GOLGA6L10: variants seen among roughly 807,000 people sequenced by gnomAD.
GOLGA6L10 encodes the protein golgin subfamily A member 6-like protein 10.
GOLGA6L10 carries 4 observed loss-of-function variants against 56.9 expected under a neutral mutation model. The observed-to-expected ratio is 0.07, with a 90% CI of 0.03 to 0.16. The LOEUF is 0.16. Among genes scored for constraint, GOLGA6L10 ranks in the 10% least tolerant of loss-of-function variants. The probability of loss-of-function intolerance (pLI) is 1.00; values close to 1 mark genes in which losing one functional copy is unlikely to be tolerated. For synonymous variants in GOLGA6L10, 11 were observed against 220.9 expected, an observed-to-expected ratio of 0.05 and a Z score of 8.43; for missense variants, 34 against 558.3, an observed-to-expected ratio of 0.06 and a Z score of 9.46.
Position 82,342,665 on chromosome 15 carries a change from A to G in GOLGA6L10, c.*111T>C, listed in dbSNP as rs2075647155. 1 of 1,520,870 alleles carries G rather than the reference A, an allele frequency of 6.6e-7. No individual in the cohort carries two copies. Among genetic ancestry groups the G allele is most frequent in the South Asian group, 1.2e-5 (1 of 80,840 alleles). 94.2% of individuals were successfully genotyped at this position (1,520,870 alleles called of 1,614,324 possible). A position where few individuals can be genotyped will look rare whatever the true frequency, so the allele number is the denominator to read the frequency against. Reference sequence around the variant, plus strand: ...AAATAAATTTAAACTATAAATTAGAAACACAAATAAACATAAGTGGCTCTA... The same window carrying G: ...AAATAAATTTAAACTATAAATTAGAGACACAAATAAACATAAGTGGCTCTA... On this transcript the variant is annotated 3_prime_UTR_variant, in exon 9 of 9. Transcript: ENST00000610657.
rs1344001057 is a variant in GOLGA6L10 at position 82,340,614 on chromosome 15, T to C, written c.*2162A>G. On this transcript the variant is annotated 3_prime_UTR_variant, in exon 9 of 9. Transcript: ENST00000610657. ...TCTAAGCAAATTGAAAGCTGCCTTA[T>C]ACTGAATGAGGAAGAGAACAAATAC... 6.6e-6 allele frequency: 1 copy of C among 151,416 alleles called. No individual in the cohort carries two copies. Among genetic ancestry groups the C allele is most frequent in the Non-Finnish European group, 1.5e-5 (1 of 67,806 alleles). 9.4% of individuals were successfully genotyped at this position (151,416 alleles called of 1,614,324 possible). A position where few individuals can be genotyped will look rare whatever the true frequency, so the allele number is the denominator to read the frequency against.
In GOLGA6L10 at chr15:82,344,812, C is replaced by A; in HGVS notation, c.1048G>T (p.Glu350Ter). Residue 350 changes from glutamate (E) to a stop codon, truncating the protein, a stop_gained, in exon 6 of 9, where the codon GAG becomes TAG. Coordinates refer to ENST00000610657, the MANE Select transcript of GOLGA6L10 (RefSeq NM_001164465.3). LOFTEE classifies it high-confidence loss of function. ...AGCCTCTCCCTCTCCAGCAGCCTCT[C>A]CTGCTCCTCCTGCCGCCTCTCCTGT... Reference protein sequence around the residue: ...LEQERRQEEQERLLERERLLD... With the variant: ...LEQERRQEEQ The A allele has an allele frequency of 6.5e-7, 1 of 1,535,718 alleles. No individual in the cohort carries two copies. The highest frequency in any genetic ancestry group is 8.7e-7 in the Non-Finnish European group (1 of 1,147,598).
chr15:82,348,067 C>G (rs1286623916), intron 1 of GOLGA6L10, among the ~76,000 whole-genome samples: 89 of 151,950 alleles, frequency 5.9e-4, no homozygotes, highest in African/African-American at 2.1e-3. Flanking sequence ...GGCAGCTTTT[C>G]TATTAAATCT....
Position 82,340,429 on chromosome 15 carries a change from A to G in GOLGA6L10, c.*2347T>C, listed in dbSNP as rs1437892297. On this transcript the variant is annotated 3_prime_UTR_variant, in exon 9 of 9. Coordinates refer to ENST00000610657, the MANE Select transcript of GOLGA6L10 (RefSeq NM_001164465.3). ...ATTGTTTTTCATTTCAGGAAAACCT[A>G]TCAGGTTTAATCTATTACTTTAAAA... 2 of 151,532 alleles carry G rather than the reference A, an allele frequency of 1.3e-5. No individual in the cohort carries two copies. The highest frequency in any genetic ancestry group is 4.8e-5 in the African/African-American group (2 of 41,390). 9.4% of individuals were successfully genotyped at this position (151,532 alleles called of 1,614,324 possible). A position where few individuals can be genotyped will look rare whatever the true frequency, so the allele number is the denominator to read the frequency against.
At chr15:82,343,931 C>A (rs1174802865) in intron 7 of GOLGA6L10, among the ~76,000 whole-genome samples, 4 of 147,088 alleles carry the variant, frequency 2.7e-5, no homozygotes, top group Non-Finnish European at 6.0e-5. Flanking sequence ...GCCTCAGCCT[C>A]CCAAAGTGCT....
rs777912811 is a variant in GOLGA6L10, at chr15:82,342,729, C to G, written c.*47G>C. The G allele has an allele frequency of 6.3e-7, 1 of 1,598,264 alleles. No individual in the cohort carries two copies. Among genetic ancestry groups the G allele is most frequent in the Non-Finnish European group, 8.5e-7 (1 of 1,179,434 alleles). On this transcript the variant is annotated 3_prime_UTR_variant, in exon 9 of 9. Transcript: ENST00000610657. ...GTAAATGAATTGTGTAGGATATTAA[C>G]CCCTTAAATGTTTTGTTTTTTTTTT... is the stretch of plus-strand genomic sequence containing the variant.
chr15:82,347,878 G>T (rs1403320899), intron 1 of GOLGA6L10, among the ~76,000 whole-genome samples: 1 of 152,294 alleles, frequency 6.6e-6, no homozygotes. Flanking sequence ...CTGGGGTTTT[G>T]CCATGAATCA....
Position 82,347,958 on chromosome 15 carries a change from C to T in GOLGA6L10, c.85-329G>A, listed in dbSNP as rs1473727988. ...ACATTAAGCAGGCAGGAACTGTAGGCCGTGTGGTTTAGAGTCATACATCCT... is the reference window on the plus strand; with the variant it reads ...ACATTAAGCAGGCAGGAACTGTAGGTCGTGTGGTTTAGAGTCATACATCCT... On this transcript the variant is annotated intron_variant, in intron 1 of 8. Coordinates refer to ENST00000610657, the MANE Select transcript of GOLGA6L10 (RefSeq NM_001164465.3). Among the ~76,000 whole-genome samples, 7 of 152,356 alleles carry T rather than the reference C, an allele frequency of 4.6e-5. No individual in the cohort carries two copies. The East Asian group carries it at 1.4e-3, about 29-fold the overall frequency.
At chr15:82,347,086 C>T (rs2075691331) in intron 2 of GOLGA6L10, among the ~76,000 whole-genome samples, 200 bp from the exon 3 acceptor site, 2 of 150,630 alleles carry the variant, frequency 1.3e-5, no homozygotes, top group African/African-American at 2.5e-5. Flanking sequence ...CTTTCAGTGA[C>T]TCCTAAAGGG....
chr15:82,347,058 C>T (rs1180393817), intron 2 of GOLGA6L10, among the ~76,000 whole-genome samples, 172 bp from the exon 3 acceptor site: 3 of 150,890 alleles, frequency 2.0e-5, no homozygotes, highest in Non-Finnish European at 4.4e-5. Flanking sequence ...TATCTCCCCA[C>T]CATCCCACCC....
At position 82,345,216 on chromosome 15, in the gene GOLGA6L10, A is replaced by ATGTC; in HGVS notation, c.643_644insGACA (p.Leu215ArgfsTer4). 1.9e-6 allele frequency: 2 copies of ATGTC among 1,027,902 alleles called. No homozygotes were observed. Among genetic ancestry groups the ATGTC allele is most frequent in the South Asian group, 3.6e-5 (2 of 55,218 alleles). 63.7% of individuals were successfully genotyped at this position (1,027,902 alleles called of 1,614,324 possible). On this transcript the variant is annotated frameshift_variant, in exon 6 of 9. Transcript: ENST00000610657. LOFTEE classifies it high-confidence loss of function. ...ACACAGCCTCTCCTCCTGTTCATGTAGCCTCTCCTCCTGTTCATGTAGCCT... is the reference window on the plus strand; with the variant it reads ...ACACAGCCTCTCCTCCTGTTCATGTATGTCGCCTCTCCTCCTGTTCATGTAGCCT...
intron 5 of GOLGA6L10, 121 bp from the exon 6 acceptor site, chr15:82,345,547 C>G (rs1322232903): frequency 6.6e-7 from 1 of 1,507,504 alleles, no homozygotes; most frequent in African/African-American, 1.4e-5. Flanking sequence ...CTAATGACTC[C>G]TCACACCCGG....
chr15:82,346,070 G>A, intron 4 of GOLGA6L10, among the ~76,000 whole-genome samples, 174 bp from the exon 5 acceptor site: 2 of 150,572 alleles, frequency 1.3e-5, no homozygotes, highest in African/African-American at 2.5e-5. Flanking sequence ...TCATAGCAGA[G>A]ATATAAAACA....
rs2075638432 is a variant in GOLGA6L10, at chr15:82,340,838, C to G, written c.*1938G>C. On this transcript the variant is annotated 3_prime_UTR_variant, in exon 9 of 9. Coordinates refer to ENST00000610657, the MANE Select transcript of GOLGA6L10 (RefSeq NM_001164465.3). ...TAAATATGCCAGTATGTGATTTAAT[C>G]CACAGGTACCTGATGAACACATTAT... is the stretch of plus-strand genomic sequence containing the variant. The G allele has an allele frequency of 6.6e-6, 1 of 151,798 alleles. No homozygotes were observed. The highest frequency in any genetic ancestry group is 1.5e-5 in the Non-Finnish European group (1 of 67,938). The allele number at this position is 151,798 out of a possible 1,614,324, so 9.4% of individuals were successfully genotyped here.
intron 1 of GOLGA6L10, among the ~76,000 whole-genome samples, chr15:82,348,035 T>G (rs1309119356): frequency 2.6e-5 from 4 of 152,036 alleles, no homozygotes; most frequent in Non-Finnish European, 5.9e-5. Flanking sequence ...CACTTTCATA[T>G]CAATGTGTCC....
rs2075637503 is a variant in GOLGA6L10 at position 82,340,650 on chromosome 15, G to A, written c.*2126C>T. ...GAAGAGAACAAATACTTGGCTGAAT[G>A]AGGTACTGCAAGAGACTGCATGCAC... On this transcript the variant is annotated 3_prime_UTR_variant, in exon 9 of 9. Transcript: ENST00000610657. The A allele has an allele frequency of 6.6e-6, 1 of 151,228 alleles. No homozygotes were observed. 9.4% of individuals were successfully genotyped at this position (151,228 alleles called of 1,614,324 possible).
At chr15:82,347,089 C>T (rs2075691358) in intron 2 of GOLGA6L10, among the ~76,000 whole-genome samples, 2 of 150,506 alleles carry the variant, frequency 1.3e-5, no homozygotes, top group South Asian at 2.1e-4. Flanking sequence ...TCAGTGACTC[C>T]TAAAGGGACA....
chr15:82,343,969 C>T (rs1282396554), intron 7 of GOLGA6L10, among the ~76,000 whole-genome samples: 12 of 149,648 alleles, frequency 8.0e-5, no homozygotes, highest in South Asian at 4.1e-4. Flanking sequence ...CCACCACACC[C>T]GACATAAGGA....
chr15:82,348,227 G>A (rs1178067658), intron 1 of GOLGA6L10, among the ~76,000 whole-genome samples: 110 of 150,838 alleles, frequency 7.3e-4, no homozygotes, highest in South Asian at 1.3e-3. Flanking sequence ...AAGATGTCCC[G>A]CATTTATCCT....
Sources: allele counts gnomAD v4.1 joint callset (sites outside exome capture counted in the v4.1 genomes callset), GRCh38; gene constraint gnomAD v4.1.1; transcripts MANE v1.5; gene names NCBI Gene and HGNC (gene_info 2026-07-23, HGNC 2026-07-21).